EPB41: variants seen among roughly 807,000 people sequenced by gnomAD.
The protein encoded by EPB41 is erythrocyte membrane protein band 4.1, also known as protein 4.1.
Under a neutral mutation model 108.0 loss-of-function variants are expected in EPB41, and 65 were observed. The observed-to-expected ratio is 0.60, with a 90% CI of 0.49 to 0.74. The LOEUF (loss-of-function observed/expected upper bound fraction) is 0.74. EPB41 is among the 30% of genes least tolerant of loss of function. The pLI, the probability that EPB41 is intolerant of heterozygous loss-of-function variation, is 0.00. For missense variants in EPB41, 875 were observed against 1,037.0 expected, an observed-to-expected ratio of 0.84 and a Z score of 2.15; for synonymous variants, 336 against 358.9, an observed-to-expected ratio of 0.94 and a Z score of 0.72.
chr1:28,981,965 T>C (rs2095758216), intron 1 of EPB41, among the ~76,000 whole-genome samples: 1 of 152,104 alleles, frequency 6.6e-6, no homozygotes, highest in African/African-American at 2.4e-5. Flanking sequence ...TACATATGTA[T>C]ACGTGTGCCA....
intron 7 of EPB41, among the ~76,000 whole-genome samples, chr1:29,025,868 A>G (rs555528882): frequency 1.3e-5 from 2 of 151,746 alleles, no homozygotes; most frequent in East Asian, 3.9e-4. Flanking sequence ...CCTGGCATGA[A>G]GAGTCAGAGC....
At chr1:28,979,333 A>G (rs2095679469) in intron 1 of EPB41, among the ~76,000 whole-genome samples, 1 of 151,584 alleles carries the variant, frequency 6.6e-6, no homozygotes, top group African/African-American at 2.4e-5. Flanking sequence ...CTCCAAATAC[A>G]AGTGCGGTGA....
At position 29,065,087 on chromosome 1, in the gene EPB41, G is replaced by C; in HGVS notation, c.2113G>C (p.Asp705His). 6.2e-7 allele frequency: 1 copy of C among 1,614,160 alleles called. No individual in the cohort carries two copies. The highest frequency in any genetic ancestry group is 8.5e-7 in the Non-Finnish European group (1 of 1,180,028). Residue 705 changes from aspartate to histidine, a missense_variant, in exon 16 of 21, where the codon GAT (aspartate) becomes CAT (histidine). Physicochemically the swap from Asp to His is moderately conservative, Grantham distance 81. Around this residue, in one of 3 missense-constraint regions of EPB41, gnomAD observed 519 missense variants for 627.3 expected, o/e 0.83. Transcript: ENST00000343067. ...SVPEPRPSEW[D>H]KRLSTHSPFR... ...ACCAGAACCACGGCCTAGTGAATGG[G>C]ATAAACGCTTATCCACTCACTCACC... is the stretch of plus-strand genomic sequence containing the variant.
intron 12 of EPB41, among the ~76,000 whole-genome samples, chr1:29,056,220 C>A (rs1205011663): frequency 7.0e-6 from 1 of 142,358 alleles, no homozygotes; most frequent in East Asian, 2.1e-4. Flanking sequence ...GGTGACAGAA[C>A]GAGACTCCGT....
At chr1:28,921,961 T>TGTATATATATAC (rs1553166522) in intron 1 of EPB41, among the ~76,000 whole-genome samples, 1 of 109,922 alleles carries the variant, frequency 9.1e-6, no homozygotes, top group Non-Finnish European at 1.7e-5. Flanking sequence ...TATATATATA[T>TGTATATATATAC]ACACTTTTTT....
chr1:29,036,046 A>C, intron 10 of EPB41, 123 bp downstream of exon 10: 1 of 723,178 alleles, frequency 1.4e-6, no homozygotes, highest in Non-Finnish European at 2.3e-6. Flanking sequence ...AGGTGAGATC[A>C]TCTTAAGCAA....
intron 1 of EPB41, among the ~76,000 whole-genome samples, chr1:28,969,652 C>T (rs538610461): frequency 2.6e-4 from 39 of 151,866 alleles, no homozygotes; most frequent in Non-Finnish European, 5.0e-4. Flanking sequence ...GTAATCCCAG[C>T]ACTTTGGTAG....
At chr1:29,033,552 G>A (rs1638259284) in intron 9 of EPB41, among the ~76,000 whole-genome samples, 1 of 152,140 alleles carries the variant, frequency 6.6e-6, no homozygotes, top group African/African-American at 2.4e-5. Flanking sequence ...AAATTGAGTA[G>A]CATGAGATTT....
At chr1:28,914,197 C>T (rs1052191906), upstream of EPB41, among the ~76,000 whole-genome samples, 20 of 152,344 alleles carry the variant, frequency 1.3e-4, no homozygotes, top group African/African-American at 4.3e-4. Flanking sequence ...AAATCTCGGC[C>T]TCTTACTTGG....
chr1:28,978,420 C>T (rs2095658504), intron 1 of EPB41, among the ~76,000 whole-genome samples: 1 of 151,538 alleles, frequency 6.6e-6, no homozygotes, highest in Non-Finnish European at 1.5e-5. Flanking sequence ...ATCACAATCA[C>T]AGGGTAGTTG....
chr1:29,108,455 C>T (rs1385255169), intron 17 of EPB41, among the ~76,000 whole-genome samples: 2 of 151,596 alleles, frequency 1.3e-5, no homozygotes, highest in Non-Finnish European at 1.5e-5. Flanking sequence ...GCCCCTGCCT[C>T]CTATTTCTGA....
At chr1:29,113,793 T>A (rs906998581) in intron 19 of EPB41, among the ~76,000 whole-genome samples, 1 of 152,170 alleles carries the variant, frequency 6.6e-6, no homozygotes, top group Non-Finnish European at 1.5e-5. Flanking sequence ...TGCTCCAGTG[T>A]CCCTCAGGTT....
chr1:28,943,328 A>G (rs1424473009), intron 1 of EPB41, among the ~76,000 whole-genome samples: 2 of 152,214 alleles, frequency 1.3e-5, no homozygotes, highest in African/African-American at 4.8e-5. Flanking sequence ...AAGGTGCTCA[A>G]CATCACTGAT....
At chr1:29,001,204 C>A (rs558351080) in intron 4 of EPB41, among the ~76,000 whole-genome samples, 130 of 152,316 alleles carry the variant, frequency 8.5e-4, no homozygotes, top group South Asian at 1.9e-3. Flanking sequence ...GTGGCACATG[C>A]CTGTAATCCC....
chr1:29,113,841 G>T (rs548791352), intron 19 of EPB41, among the ~76,000 whole-genome samples: 1 of 152,276 alleles, frequency 6.6e-6, no homozygotes, highest in African/African-American at 2.4e-5. Context: ...GGTAAGCTAT[G>T]GTACACTCTG....
intron 2 of EPB41, among the ~76,000 whole-genome samples, chr1:28,988,184 C>T (rs867498098): frequency 2.0e-5 from 3 of 152,082 alleles, no homozygotes; most frequent in African/African-American, 4.8e-5. Flanking sequence ...AAGTTGAACT[C>T]GGGAGGCGGA....
chr1:28,944,137 A>G (rs565716506), intron 1 of EPB41, among the ~76,000 whole-genome samples: 1 of 152,290 alleles, frequency 6.6e-6, no homozygotes, highest in African/African-American at 2.4e-5. Flanking sequence ...GTTTTTACTT[A>G]TTTGTGGGAT....
Position 28,993,494 on chromosome 1 carries a change from C to T in EPB41, c.633C>T (p.His211=). The T allele has an allele frequency of 1.2e-6, 2 of 1,614,050 alleles. No individual in the cohort carries two copies. Among genetic ancestry groups the T allele is most frequent in the Non-Finnish European group, 1.7e-6 (2 of 1,179,998 alleles). ...QKPIRKHRNM[H]CKVSLLDDTV... ...CAATCAGAAAACACAGGAACATGCA[C>T]TGCAAGGTTTCTTTGTTGGATGACA... is the stretch of plus-strand genomic sequence containing the variant. Residue 211 remains histidine, a synonymous_variant, in exon 3 of 21, where the codon CAC becomes CAT. Transcript: ENST00000343067.
chr1:28,961,170 C>T (rs989374119), intron 1 of EPB41, among the ~76,000 whole-genome samples: 3 of 151,600 alleles, frequency 2.0e-5, no homozygotes, highest in Non-Finnish European at 4.4e-5. Context: ...TCATCTGTTA[C>T]ATTTGACAAA....
Sources: gnomAD v4.1 joint callset for allele counts (sites outside exome capture counted in the v4.1 genomes callset) on GRCh38, gnomAD v4.1.1 for gene constraint, gnomAD v4.1.1 regional missense constraint, MANE v1.5 for transcripts, NCBI Gene and HGNC (gene_info 2026-07-23, HGNC 2026-07-21) for gene names.